SOBP: variants seen among roughly 807,000 people sequenced by gnomAD.
SOBP encodes sine oculis binding protein homolog.
In SOBP, 4 loss-of-function variants were observed where a neutral mutation model predicts 53.6. The observed-to-expected ratio is 0.07, with a 90% CI of 0.04 to 0.17. The LOEUF (loss-of-function observed/expected upper bound fraction) is 0.17. SOBP is among the 10% of genes least tolerant of loss of function. The pLI, the probability that SOBP is intolerant of heterozygous loss-of-function variation, is 1.00. For synonymous variants in SOBP, 584 were observed against 522.6 expected (o/e 1.12, Z -1.60); for missense variants, 1,088 against 1,204.7 (o/e 0.90, Z 1.43).
At chr6:107,548,260 T>TTTG (rs997108847) in intron 4 of SOBP, among the ~76,000 whole-genome samples, 1 of 149,416 alleles carries the variant, frequency 6.7e-6, no homozygotes, top group African/African-American at 2.4e-5. Context: ...TTCTTTTTGT[T>TTTG]TTTTTTTTTT....
chr6:107,612,673 A>G (rs921394384), intron 5 of SOBP, among the ~76,000 whole-genome samples: 4 of 152,194 alleles, frequency 2.6e-5, no homozygotes, highest in African/African-American at 9.6e-5. Context: ...GTGTTTTACA[A>G]CCATAACCAC....
At chr6:107,537,213 T>G (rs1367443483) in intron 4 of SOBP, among the ~76,000 whole-genome samples, 1 of 152,384 alleles carries the variant, frequency 6.6e-6, no homozygotes, top group East Asian at 1.9e-4. Context: ...GAGTAATGTC[T>G]TGTAACCATT....
rs116487825 is a variant in SOBP, at chr6:107,507,111, A to C, written c.421+684A>C. On this transcript the variant is annotated intron_variant, in intron 3 of 6. Coordinates refer to ENST00000317357, the MANE Select transcript of SOBP (RefSeq NM_018013.4). ...CATGGTTGAAAACTGGGTGGTGCAT[A>C]AGGAGGGCCACATCTCCTCTGGGGT... 6.8e-3 allele frequency among the ~76,000 whole-genome samples: 1,039 copies of C among 151,870 alleles called. 5 individuals carry two copies. The highest frequency in any genetic ancestry group is 0.024 in the African/African-American group (994 of 41,442).
At chr6:107,642,377 GA>G (rs1771367218) in intron 6 of SOBP, among the ~76,000 whole-genome samples, 1 of 152,144 alleles carries the variant, frequency 6.6e-6, no homozygotes, top group Admixed American at 6.5e-5. Flanking sequence ...TGGAGCAAAA[GA>G]AAATGACAAT....
In SOBP at chr6:107,490,563, A is replaced by T; in HGVS notation, c.-54A>T. Reference sequence around the variant, plus strand: ...CACCGCCGCCGCCGCCGCCACCACCACCGCCGGCGGCGGCAGCAGCCATTT... The same window carrying T: ...CACCGCCGCCGCCGCCGCCACCACCTCCGCCGGCGGCGGCAGCAGCCATTT... On this transcript the variant is annotated 5_prime_UTR_variant, in exon 1 of 7. Coordinates refer to ENST00000317357, the MANE Select transcript of SOBP (RefSeq NM_018013.4). 1.5e-6 allele frequency: 2 copies of T among 1,344,172 alleles called. No individual in the cohort carries two copies. The highest frequency in any genetic ancestry group is 2.1e-6 in the Non-Finnish European group (2 of 965,796). 83.3% of individuals were successfully genotyped at this position (1,344,172 alleles called of 1,614,324 possible).
chr6:107,597,304 A>T (rs1785981377), intron 5 of SOBP, among the ~76,000 whole-genome samples: 1 of 152,254 alleles, frequency 6.6e-6, no homozygotes, highest in South Asian at 2.1e-4. Context: ...TCTGGTAATT[A>T]TGTAAAGATG....
chr6:107,555,550 C>T (rs989968610), intron 4 of SOBP, among the ~76,000 whole-genome samples: 8 of 152,208 alleles, frequency 5.3e-5, no homozygotes, highest in African/African-American at 1.9e-4. Flanking sequence ...CCTTGCACTC[C>T]AACAATCAGA....
At chr6:107,549,910 A>G (rs954655384) in intron 4 of SOBP, among the ~76,000 whole-genome samples, 1 of 152,086 alleles carries the variant, frequency 6.6e-6, no homozygotes, top group East Asian at 1.9e-4. Context: ...GGGGCCTGGT[A>G]AGGTATGGTC....
In SOBP at chr6:107,577,795, C is replaced by T. The variant is rs552651126; in HGVS notation, c.574-9285C>T. ...ATTAGATTAAAGAAGTTGGTTTTGC[C>T]GGGCGTGGTTGCTCATGCCTGTAAT... is the stretch of plus-strand genomic sequence containing the variant. On this transcript the variant is annotated intron_variant, in intron 4 of 6. Transcript: ENST00000317357. Among the ~76,000 whole-genome samples, 171 of 152,130 alleles carry T rather than the reference C, an allele frequency of 1.1e-3. 3 individuals are homozygous for T. Among genetic ancestry groups the T allele is most frequent in the African/African-American group, 3.8e-3 (156 of 41,518 alleles).
chr6:107,625,431 A>G (rs1052719983), intron 5 of SOBP, among the ~76,000 whole-genome samples: 1 of 152,230 alleles, frequency 6.6e-6, no homozygotes, highest in African/African-American at 2.4e-5. Context: ...GCAGAGCCCA[A>G]GCAATCAGTA....
intron 3 of SOBP, among the ~76,000 whole-genome samples, chr6:107,524,680 C>T (rs1212445589): frequency 6.6e-6 from 1 of 152,172 alleles, no homozygotes; most frequent in East Asian, 1.9e-4. Flanking sequence ...CAGCACTGGC[C>T]ACATGGCTGC....
Position 107,634,008 on chromosome 6 carries a change from C to T in SOBP, c.1164C>T (p.Thr388=), listed in dbSNP as rs1421133734. The change falls in exon 6 of 7, where the codon ACC becomes ACT. Residue 388 remains threonine, a synonymous_variant. Coordinates refer to ENST00000317357, the MANE Select transcript of SOBP (RefSeq NM_018013.4). This position sits in a 1 kb window ranked among gnomAD's most constrained non-coding sequence, Gnocchi z 4.5. ...CTCGGAGCCCTCCCATGGTGATGAC[C>T]AACCGCGGCCCGGTGCCGCTGCCCA... ...VPPRSPPMVM[T]NRGPVPLPIF... 6.2e-7 allele frequency: 1 copy of T among 1,613,152 alleles called. No individual in the cohort carries two copies. The highest frequency in any genetic ancestry group is 1.1e-5 in the South Asian group (1 of 91,026).
At position 107,635,915 on chromosome 6, in the gene SOBP, G is replaced by A. The variant is rs1771020070; in HGVS notation, c.*3+446G>A. Among the ~76,000 whole-genome samples, 1 of 152,226 alleles carries A rather than the reference G, an allele frequency of 6.6e-6. No homozygotes were observed. Among genetic ancestry groups the A allele is most frequent in the Admixed American group, 6.5e-5 (1 of 15,288 alleles). On this transcript the variant is annotated intron_variant, in intron 6 of 6. Transcript: ENST00000317357. The surrounding 1 kb of genome is among the most constrained non-coding windows in gnomAD (Gnocchi z 4.5). ...GTGGTGAAATGTCCAGTGAACCCAT[G>A]AGCTGGGCCACCTACTAAATAGAGC...
chr6:107,589,848 C>T (rs987016312), intron 5 of SOBP, among the ~76,000 whole-genome samples: 1 of 152,252 alleles, frequency 6.6e-6, no homozygotes, highest in African/African-American at 2.4e-5. Flanking sequence ...GGCATGCGCA[C>T]ACACGTGCAC....
At chr6:107,654,654 C>T (rs1224591069) in intron 6 of SOBP, among the ~76,000 whole-genome samples, 1 of 119,430 alleles carries the variant, frequency 8.4e-6, no homozygotes, top group Non-Finnish European at 1.6e-5. Context: ...CTGAAGCTCA[C>T]CCAGGCCCCC....
intron 4 of SOBP, among the ~76,000 whole-genome samples, chr6:107,554,378 G>A (rs1784548765): frequency 2.6e-5 from 4 of 152,224 alleles, no homozygotes; most frequent in African/African-American, 9.6e-5. Flanking sequence ...CTTGATGGAT[G>A]TGGGGAAGCT....
intron 5 of SOBP, among the ~76,000 whole-genome samples, chr6:107,633,213 G>T (rs846971): frequency 0.79 from 119,809 of 152,124 alleles, 47,891 homozygotes; most frequent in Middle Eastern, 0.89. Context: ...AGGTACATTG[G>T]ACAGGTATAT....
intron 3 of SOBP, among the ~76,000 whole-genome samples, chr6:107,531,217 A>G (rs1783814885): frequency 6.6e-6 from 1 of 152,236 alleles, no homozygotes; most frequent in Non-Finnish European, 1.5e-5. Flanking sequence ...GACCTAATGC[A>G]TGTTCTAAAA....
chr6:107,566,679 C>T (rs1322900905), intron 4 of SOBP, among the ~76,000 whole-genome samples: 3 of 152,208 alleles, frequency 2.0e-5, no homozygotes, highest in Non-Finnish European at 4.4e-5. Context: ...ATCACTTCAA[C>T]ATGTACAAAT....
Sources: allele counts gnomAD v4.1 joint callset (sites outside exome capture counted in the v4.1 genomes callset), GRCh38; gene constraint gnomAD v4.1.1; non-coding constraint Gnocchi (gnomAD v3.1); transcripts MANE v1.5; gene names NCBI Gene and HGNC (gene_info 2026-07-23, HGNC 2026-07-21).